CAB39: variants seen among roughly 807,000 people sequenced by gnomAD.
The protein encoded by CAB39 is calcium-binding protein 39.
CAB39 carries 8 observed loss-of-function variants against 40.0 expected under a neutral mutation model. The observed-to-expected ratio is 0.20, with a 90% confidence interval of 0.12 to 0.36. The LOEUF is 0.36. Ranked by LOEUF, CAB39 falls within the 10% of genes least tolerant of loss-of-function variation. CAB39 has a pLI of 1.00. For missense variants in CAB39, 270 were observed against 401.1 expected (o/e 0.67, Z 2.79); for synonymous variants, 156 against 141.6 (o/e 1.10, Z -0.72).
At chr2:230,736,897 A>T (rs933427806) in intron 1 of CAB39, among the ~76,000 whole-genome samples, 1 of 152,142 alleles carries the variant, frequency 6.6e-6, no homozygotes, top group Non-Finnish European at 1.5e-5. Flanking sequence ...CTTTATAATG[A>T]TTCATGCTGC....
At chr2:230,773,314 A>ATTGTGTGTGTG (rs371297550) in intron 2 of CAB39, among the ~76,000 whole-genome samples, 5 of 132,632 alleles carry the variant, frequency 3.8e-5, no homozygotes, top group African/African-American at 1.5e-4. Flanking sequence ...ATATATATAT[A>ATTGTGTGTGTG]TGTGTGTGTG....
chr2:230,792,325 A>G (rs1441733902), intron 3 of CAB39, among the ~76,000 whole-genome samples: 2 of 152,200 alleles, frequency 1.3e-5, no homozygotes, highest in South Asian at 4.1e-4. Flanking sequence ...TGGAACTTCA[A>G]AGACATCAAC....
chr2:230,817,942 C>G, intron 8 of CAB39, 45 bp downstream of exon 8: 2 of 1,539,916 alleles, frequency 1.3e-6, no homozygotes, highest in Non-Finnish European at 1.8e-6. Flanking sequence ...TGGAATTGTT[C>G]GTCGTCTTTC....
chr2:230,796,934 T>G (rs1185493874), intron 4 of CAB39, among the ~76,000 whole-genome samples: 2 of 152,040 alleles, frequency 1.3e-5, no homozygotes, highest in Non-Finnish European at 2.9e-5. Context: ...GTGTGGCAGG[T>G]TGGGAGGTGA....
At chr2:230,803,781 C>T (rs1029127472) in intron 5 of CAB39, among the ~76,000 whole-genome samples, 13 of 152,188 alleles carry the variant, frequency 8.5e-5, no homozygotes, top group Non-Finnish European at 1.3e-4. Flanking sequence ...ATTCCATGCT[C>T]ATGGATAGGA....
intron 2 of CAB39, among the ~76,000 whole-genome samples, chr2:230,788,618 CTG>C (rs1226891505): frequency 6.6e-6 from 1 of 152,156 alleles, no homozygotes; most frequent in Non-Finnish European, 1.5e-5. Flanking sequence ...TTCTACTTTT[CTG>C]TGTCTCAAAA....
At chr2:230,753,402 T>C (rs891889548) in intron 1 of CAB39, among the ~76,000 whole-genome samples, 5 of 152,184 alleles carry the variant, frequency 3.3e-5, no homozygotes, top group African/African-American at 1.2e-4. Flanking sequence ...TGTCTGGCTT[T>C]GTCCCAGTCA....
chr2:230,744,467 T>C (rs1694938472), intron 1 of CAB39, among the ~76,000 whole-genome samples: 1 of 152,062 alleles, frequency 6.6e-6, no homozygotes, highest in African/African-American at 2.4e-5. Flanking sequence ...CTAATTTTTG[T>C]ATTTTTAGTA....
At chr2:230,790,309 A>G (rs1695872006) in intron 2 of CAB39, among the ~76,000 whole-genome samples, 1 of 152,112 alleles carries the variant, frequency 6.6e-6, no homozygotes, top group African/African-American at 2.4e-5. Context: ...GGAAAGGTAA[A>G]TCTGGCCCTT....
In CAB39 at chr2:230,730,739, C is replaced by T. The variant is rs112589807; in HGVS notation, c.-44+17509C>T. Among the ~76,000 whole-genome samples the T allele has an allele frequency of 5.6e-3, 857 of 152,116 alleles. 7 individuals are homozygous for T. Among genetic ancestry groups the T allele is most frequent in the African/African-American group, 0.019 (805 of 41,508 alleles). On this transcript the variant is annotated intron_variant, in intron 1 of 8. Coordinates refer to ENST00000258418, the MANE Select transcript of CAB39 (RefSeq NM_016289.4). The stretch of plus-strand genomic sequence containing the variant: ...GATTACAGGCATGAGCCACTGCGCC[C>T]GGCCAAGAAAACTTATATGAATATC...
At chr2:230,728,466 T>C (rs1694627203) in intron 1 of CAB39, among the ~76,000 whole-genome samples, 1 of 151,864 alleles carries the variant, frequency 6.6e-6, no homozygotes, top group African/African-American at 2.4e-5. Flanking sequence ...TGAGCCACCA[T>C]GCCCAGCTAA....
At chr2:230,818,349 T>A (rs1696440633) in intron 8 of CAB39, among the ~76,000 whole-genome samples, 167 bp from the exon 9 acceptor site, 1 of 152,258 alleles carries the variant, frequency 6.6e-6, no homozygotes, top group Admixed American at 6.5e-5. Context: ...ATTATTATTT[T>A]TTTTTCCAAA....
At chr2:230,802,869 AT>A (rs1469718100) in intron 5 of CAB39, among the ~76,000 whole-genome samples, 2 of 152,224 alleles carry the variant, frequency 1.3e-5, no homozygotes, top group African/African-American at 4.8e-5. Context: ...AACTATTCCA[AT>A]CAACAGAAAA....
intron 1 of CAB39, among the ~76,000 whole-genome samples, chr2:230,735,498 A>G (rs371145578): frequency 3.4e-5 from 5 of 146,538 alleles, no homozygotes; most frequent in African/African-American, 7.6e-5. Context: ...AATGGTTTGT[A>G]TACCTAGTTA....
chr2:230,720,496 C>T (rs911596639), intron 1 of CAB39, among the ~76,000 whole-genome samples: 16 of 152,126 alleles, frequency 1.1e-4, no homozygotes, highest in African/African-American at 4.8e-5. Context: ...AGTGCAATGG[C>T]GTGATCTCGG....
chr2:230,789,263 CAT>C (rs1283264380), intron 2 of CAB39, among the ~76,000 whole-genome samples: 1 of 152,138 alleles, frequency 6.6e-6, no homozygotes, highest in African/African-American at 2.4e-5. Context: ...TAACATGGTA[CAT>C]GTTAGTGATA....
At chr2:230,743,925 T>TG (rs1349539514) in intron 1 of CAB39, among the ~76,000 whole-genome samples, 1 of 150,858 alleles carries the variant, frequency 6.6e-6, no homozygotes, top group South Asian at 2.1e-4. Context: ...ACTTTTTTTT[T>TG]TTTTTTTTTT....
chr2:230,751,344 A>G (rs1695082636), intron 1 of CAB39, among the ~76,000 whole-genome samples: 1 of 152,212 alleles, frequency 6.6e-6, no homozygotes, highest in Admixed American at 6.5e-5. Flanking sequence ...ACATCCATAC[A>G]CACCAGAATG....
At chr2:230,718,593 ATAG>A (rs1694393131) in intron 1 of CAB39, among the ~76,000 whole-genome samples, 1 of 152,166 alleles carries the variant, frequency 6.6e-6, no homozygotes, top group East Asian at 1.9e-4. Context: ...TTGGATGGTA[ATAG>A]TAGACCATAT....
Sources: allele counts gnomAD v4.1 joint callset (sites outside exome capture counted in the v4.1 genomes callset), GRCh38; gene constraint gnomAD v4.1.1; transcripts MANE v1.5; gene names NCBI Gene and HGNC (gene_info 2026-07-23, HGNC 2026-07-21).